Variants in EEF2KMT observed in about 807,000 individuals in gnomAD.
EEF2KMT encodes eukaryotic elongation factor 2 lysine methyltransferase, also known as protein-lysine N-methyltransferase EEF2KMT.
EEF2KMT carries 30 observed loss-of-function variants against 35.1 expected under a neutral mutation model. The ratio of observed to expected loss-of-function variants is 0.85; its 90% confidence interval spans 0.64 to 1.16. EEF2KMT has a LOEUF of 1.16. EEF2KMT is among the 50% of genes most tolerant of loss of function. The pLI, the probability that EEF2KMT is intolerant of heterozygous loss-of-function variation, is 0.00. For synonymous variants in EEF2KMT, 190 were observed against 187.7 expected (o/e 1.01, Z -0.10); for missense variants, 499 against 438.2 (o/e 1.14, Z -1.24).
chr16:5,094,916 G>A (rs1208854043), intron 2 of EEF2KMT, among the ~76,000 whole-genome samples: 3 of 152,136 alleles, frequency 2.0e-5, no homozygotes, highest in African/African-American at 2.4e-5. Flanking sequence ...ATGGCCCTTC[G>A]AACGTGAAGA....
chr16:5,093,615 C>T (rs1161204770), intron 2 of EEF2KMT, 51 bp from the exon 3 acceptor site: 10 of 1,606,982 alleles, frequency 6.2e-6, no homozygotes, highest in South Asian at 1.1e-5. Flanking sequence ...CTTAAGTCTC[C>T]TATGAGCTTC....
At chr16:5,086,332 C>G (rs921932816) in intron 7 of EEF2KMT, among the ~76,000 whole-genome samples, 3 of 25,724 alleles carry the variant, frequency 1.2e-4, no homozygotes, top group African/African-American at 2.8e-4. Flanking sequence ...GAGACTAAGT[C>G]TCAAAAAAAA....
chr16:5,084,512 A>C lies in EEF2KMT; in HGVS notation c.*1120T>G. 1.5e-6 allele frequency: 1 copy of C among 669,850 alleles called. No individual in the cohort carries two copies. The highest frequency in any genetic ancestry group is 1.8e-5 in the South Asian group (1 of 54,992). 41.5% of individuals were successfully genotyped at this position (669,850 alleles called of 1,614,324 possible). A position where few individuals can be genotyped will look rare whatever the true frequency, so the allele number is the denominator to read the frequency against. The stretch of plus-strand genomic sequence containing the variant: ...GAATGGGCAGCACGTAGAGGCCGGG[A>C]GGTGCTCCAGGGCACCAAGTGTGGG... On this transcript the variant is annotated 3_prime_UTR_variant, in exon 8 of 8. Coordinates refer to ENST00000427587, the MANE Select transcript of EEF2KMT (RefSeq NM_201400.4).
chr16:5,093,349 T>A (rs565729771), intron 3 of EEF2KMT, 135 bp downstream of exon 3: 1 of 1,369,436 alleles, frequency 7.3e-7, no homozygotes, highest in Non-Finnish European at 1.0e-6. Context: ...CACATGTGGC[T>A]GCAGCCAGTT....
intron 6 of EEF2KMT, among the ~76,000 whole-genome samples, chr16:5,089,620 G>C (rs1456078725): frequency 6.6e-6 from 1 of 152,162 alleles, no homozygotes; most frequent in Non-Finnish European, 1.5e-5. Context: ...GGGTGGGCTT[G>C]TGTCCCTGGC....
chr16:5,085,107 C>A lies in EEF2KMT; in HGVS notation c.*525G>T. 1 of 746,916 alleles carries A rather than the reference C, an allele frequency of 1.3e-6. No homozygotes were observed. The highest frequency in any genetic ancestry group is 2.2e-6 in the Non-Finnish European group (1 of 464,240). 46.3% of individuals were successfully genotyped at this position (746,916 alleles called of 1,614,324 possible). ...GAAACGCTTCCTCTCTTCTTCTGTT[C>A]TTCACGCCCCATGCCCCTGCTAGCG... is the stretch of plus-strand genomic sequence containing the variant. On this transcript the variant is annotated 3_prime_UTR_variant, in exon 8 of 8. Coordinates refer to ENST00000427587, the MANE Select transcript of EEF2KMT (RefSeq NM_201400.4).
At chr16:5,097,300 A>C in intron 1 of EEF2KMT, 1 of 1,350,968 alleles carries the variant, frequency 7.4e-7, no homozygotes, top group Non-Finnish European at 9.7e-7. Flanking sequence ...GACGGCGCTG[A>C]CTTTTTAGAA....
intron 1 of EEF2KMT, among the ~76,000 whole-genome samples, chr16:5,096,465 C>T (rs1313190643): frequency 6.6e-6 from 1 of 152,210 alleles, no homozygotes; most frequent in Non-Finnish European, 1.5e-5. Context: ...TGAATAAAAA[C>T]ACTAGCTAAC....
rs547721020 is a variant in EEF2KMT, at chr16:5,092,777, A to G, written c.240+707T>C. On this transcript the variant is annotated intron_variant, in intron 3 of 7. Transcript: ENST00000427587. ...CAGGAGTTCGAGACCAGCCTGGCCAACATGGTGAAACTCTGTCTCTATTAA... is the reference window on the plus strand; with the variant it reads ...CAGGAGTTCGAGACCAGCCTGGCCAGCATGGTGAAACTCTGTCTCTATTAA... Among the ~76,000 whole-genome samples, 73 of 152,294 alleles carry G rather than the reference A, an allele frequency of 4.8e-4. No individual in the cohort carries two copies. The East Asian group carries it at 9.9e-3, about 21-fold the overall frequency.
chr16:5,091,536 C>T (rs1487722353), intron 4 of EEF2KMT, among the ~76,000 whole-genome samples: 3 of 152,240 alleles, frequency 2.0e-5, no homozygotes, highest in Admixed American at 6.5e-5. Flanking sequence ...TCTTTGAGGA[C>T]TGGGCACCAG....
chr16:5,089,118 G>T lies in EEF2KMT; in HGVS notation c.881C>A (p.Thr294Asn). 1 of 1,612,866 alleles carries T rather than the reference G, an allele frequency of 6.2e-7. No homozygotes were observed. Among genetic ancestry groups the T allele is most frequent in the Non-Finnish European group, 8.5e-7 (1 of 1,179,858 alleles). The change falls in exon 7 of 8, where the codon ACC becomes AAC. Residue 294 changes from threonine (T) to asparagine (N), a missense_variant. Coordinates refer to ENST00000427587, the MANE Select transcript of EEF2KMT (RefSeq NM_201400.4). ...VRNPETCQLFTTELGRAGIRW... is the reference protein window; with the variant it reads ...VRNPETCQLFNTELGRAGIRW... ...GCGTGGAGGCTCACCTAGCTCGGTG[G>T]TGAACAGCTGGCACGTCTCTGGGTT... is the stretch of plus-strand genomic sequence containing the variant.
At chr16:5,086,694 G>A (rs1224851471) in intron 7 of EEF2KMT, 1 of 150,282 alleles carries the variant, frequency 6.7e-6, no homozygotes, top group South Asian at 2.1e-4. Context: ...GTTTTTAGAC[G>A]AAGTTTTACT....
intron 7 of EEF2KMT, chr16:5,087,346 A>G (rs1331945872): frequency 1.3e-5 from 2 of 152,200 alleles, no homozygotes; most frequent in African/African-American, 4.8e-5. Flanking sequence ...TTATGTGAAA[A>G]TGATTATTGT....
chr16:5,091,917 G>T, intron 3 of EEF2KMT, 22 bp from the exon 4 acceptor site: 3 of 1,611,140 alleles, frequency 1.9e-6, no homozygotes, highest in Non-Finnish European at 2.5e-6. Flanking sequence ...CAGAGTGAGA[G>T]CTTGTTTGCT....
intron 7 of EEF2KMT, among the ~76,000 whole-genome samples, chr16:5,088,727 G>A (rs1227921178): frequency 2.0e-5 from 3 of 152,138 alleles, no homozygotes; most frequent in Non-Finnish European, 2.9e-5. Flanking sequence ...GTGGCGTGGT[G>A]GATCCGCCTG....
intron 7 of EEF2KMT, chr16:5,087,385 G>C (rs986170435): frequency 1.3e-5 from 2 of 152,146 alleles, no homozygotes; most frequent in South Asian, 4.1e-4. Flanking sequence ...ATGAAGTCTC[G>C]CTATGTTGCT....
chr16:5,088,689 G>A (rs540569762), intron 7 of EEF2KMT, among the ~76,000 whole-genome samples: 3 of 152,088 alleles, frequency 2.0e-5, no homozygotes, highest in Non-Finnish European at 4.4e-5. Flanking sequence ...CACCCTGCTC[G>A]TCTTCCACCG....
chr16:5,089,223 A>G lies in EEF2KMT; in HGVS notation c.776T>C (p.Leu259Pro). Residue 259 changes from leucine to proline, a missense_variant, in exon 7 of 8, where the codon CTG becomes CCG. Leu to Pro is a moderately conservative substitution (Grantham distance 98). Coordinates refer to ENST00000427587, the MANE Select transcript of EEF2KMT (RefSeq NM_201400.4). ...VLYCPEAIMSLVGVLRRLAAC... is the reference protein window; with the variant it reads ...VLYCPEAIMSPVGVLRRLAAC... The stretch of plus-strand genomic sequence containing the variant: ...AGCCAGCCTCCGCAGGACCCCGACC[A>G]GCGACATGATGGCTTCTGGGCAATA... 1.9e-6 allele frequency: 3 copies of G among 1,607,808 alleles called. No homozygotes were observed. The highest frequency in any genetic ancestry group is 2.5e-6 in the Non-Finnish European group (3 of 1,179,834).
chr16:5,085,878 G>T, intron 7 of EEF2KMT, 146 bp from the exon 8 acceptor site: 1 of 706,870 alleles, frequency 1.4e-6, no homozygotes, highest in Non-Finnish European at 2.6e-6. Context: ...GGCCCACCCA[G>T]GTGCCTAGAA....
Sources: gnomAD v4.1 joint callset for allele counts (sites outside exome capture counted in the v4.1 genomes callset) on GRCh38, gnomAD v4.1.1 for gene constraint, MANE v1.5 for transcripts, NCBI Gene and HGNC (gene_info 2026-07-23, HGNC 2026-07-21) for gene names.